GOLGA1: variants seen among roughly 807,000 people sequenced by gnomAD.
GOLGA1 encodes golgin A1.
In GOLGA1, 63 loss-of-function variants were observed where a neutral mutation model predicts 119.7. The ratio of observed to expected loss-of-function variants is 0.53; its 90% CI spans 0.43 to 0.65. The LOEUF (loss-of-function observed/expected upper bound fraction) is 0.65. Among genes scored for constraint, GOLGA1 ranks in the 30% least tolerant of loss-of-function variants. GOLGA1 has a pLI of 0.00. For synonymous variants in GOLGA1, 318 were observed against 333.4 expected (o/e 0.95, Z 0.50); for missense variants, 798 against 912.8 (o/e 0.87, Z 1.62).
rs999066060 is a variant in GOLGA1, at chr9:124,903,957, G to T, written c.1066-3410C>A. Among the ~76,000 whole-genome samples, 5 of 152,082 alleles carry T rather than the reference G, an allele frequency of 3.3e-5. No individual in the cohort carries two copies. In the South Asian group the frequency reaches 1.0e-3, roughly 31 times the overall value. On this transcript the variant is annotated intron_variant, in intron 12 of 22. Coordinates refer to ENST00000373555, the MANE Select transcript of GOLGA1 (RefSeq NM_002077.4). ...GCGCGCCTGTAGTCCCAGCTACTCG[G>T]GAGGCTGAGGTAGGGGAATTGCTTG...
intron 12 of GOLGA1, among the ~76,000 whole-genome samples, chr9:124,903,967 G>C (rs1053290272): frequency 6.6e-6 from 1 of 152,012 alleles, no homozygotes; most frequent in Non-Finnish European, 1.5e-5. Context: ...GGAGGCTGAG[G>C]TAGGGGAATT....
chr9:124,915,407 T>C (rs1435097895), intron 10 of GOLGA1, among the ~76,000 whole-genome samples: 1 of 152,268 alleles, frequency 6.6e-6, no homozygotes, highest in Non-Finnish European at 1.5e-5. Context: ...TGATTATTTA[T>C]GAAATTTCAT....
intron 15 of GOLGA1, among the ~76,000 whole-genome samples, chr9:124,896,560 C>T (rs1252951681): frequency 2.0e-5 from 3 of 152,246 alleles, no homozygotes; most frequent in African/African-American, 7.2e-5. Context: ...CTTGCTTCTG[C>T]TCATGCCTCC....
chr9:124,922,463 A>G (rs1431956820), intron 8 of GOLGA1, among the ~76,000 whole-genome samples: 1 of 150,738 alleles, frequency 6.6e-6, no homozygotes, highest in East Asian at 1.9e-4. Flanking sequence ...AGGTGGAAGA[A>G]TCCCTTGAGT....
intron 15 of GOLGA1, among the ~76,000 whole-genome samples, chr9:124,895,624 G>C (rs112477965): frequency 1.6e-5 from 2 of 126,938 alleles, no homozygotes; most frequent in East Asian, 5.2e-4. Context: ...TCCACGACAG[G>C]GAGCCTCCAC....
At position 124,881,074 on chromosome 9, in the gene GOLGA1, T is replaced by C. The variant is rs1829568146; in HGVS notation, c.2223+97A>G. The C allele has an allele frequency of 5.3e-6, 4 of 759,482 alleles. No individual in the cohort carries two copies. The highest frequency in any genetic ancestry group is 1.9e-5 in the Admixed American group (1 of 53,922). 47.0% of individuals were successfully genotyped at this position (759,482 alleles called of 1,614,324 possible). A position where few individuals can be genotyped will look rare whatever the true frequency, so the allele number is the denominator to read the frequency against. On this transcript the variant is annotated intron_variant, in intron 22 of 22. Transcript: ENST00000373555. This position sits in a 1 kb window ranked among gnomAD's most constrained non-coding sequence, Gnocchi z 4.9. ...CTGATCATGCAGCTGTGCTGGTGCC[T>C]ACACTCGGGTGTGGGTCTAAGGGGT...
At chr9:124,890,809 T>C (rs1829837823) in intron 15 of GOLGA1, among the ~76,000 whole-genome samples, 1 of 152,134 alleles carries the variant, frequency 6.6e-6, no homozygotes, top group Admixed American at 6.5e-5. Context: ...GAAGTCAGAC[T>C]CGCAGGCCAC....
upstream of GOLGA1, chr9:124,945,245 C>A (rs1831127644): frequency 6.6e-6 from 1 of 152,106 alleles, no homozygotes; most frequent in African/African-American, 2.4e-5. Context: ...TTAAAGTAGT[C>A]TGATAACTAT....
At position 124,907,822 on chromosome 9, in the gene GOLGA1, G is replaced by T. The variant is rs11999233; in HGVS notation, c.1065+555C>A. Among the ~76,000 whole-genome samples the T allele has an allele frequency of 9.8e-3, 1,486 of 152,286 alleles. 20 individuals are homozygous for T. Among genetic ancestry groups the T allele is most frequent in the African/African-American group, 0.034 (1,416 of 41,540 alleles). On this transcript the variant is annotated intron_variant, in intron 12 of 22. Transcript: ENST00000373555. ...ATGCCAATGCTGGAAAAGTCAGAAA[G>T]GCATATATAGGAACGCTCATGCATG...
chr9:124,890,311 A>G, intron 16 of GOLGA1, 78 bp downstream of exon 16: 1 of 982,006 alleles, frequency 1.0e-6, no homozygotes, highest in Non-Finnish European at 1.6e-6. Context: ...GCCCTCTCCA[A>G]CAGTCTCACG....
In GOLGA1 at chr9:124,889,484, T is replaced by C. The variant is rs942986084; in HGVS notation, c.1550A>G (p.Lys517Arg). Reference protein sequence around the residue: ...IDEKEQNLREKTEVLLQKEQE... With the variant: ...IDEKEQNLRERTEVLLQKEQE... ...CTCTTTCTGGAGAAGCACTTCGGTT[T>C]TTTCCCGCAGATTCTGTTCCTTCTC... is the stretch of plus-strand genomic sequence containing the variant. Residue 517 changes from lysine (K) to arginine (R), a missense_variant, in exon 17 of 23, where the codon AAA (lysine) becomes AGA (arginine). By Grantham distance (26) the Lys-to-Arg change is conservative. Coordinates refer to ENST00000373555, the MANE Select transcript of GOLGA1 (RefSeq NM_002077.4). The C allele has an allele frequency of 1.9e-6, 3 of 1,613,928 alleles. No homozygotes were observed. Among genetic ancestry groups the C allele is most frequent in the African/African-American group, 2.7e-5 (2 of 74,902 alleles).
At chr9:124,919,843 C>T (rs989485935) in intron 10 of GOLGA1, among the ~76,000 whole-genome samples, 7 of 151,986 alleles carry the variant, frequency 4.6e-5, no homozygotes, top group African/African-American at 1.5e-4. Flanking sequence ...CTAAATGTCG[C>T]GCAATGCAAT....
At chr9:124,944,434 G>C (rs1336524806), upstream of GOLGA1, 2 of 149,496 alleles carry the variant, frequency 1.3e-5, no homozygotes, top group Non-Finnish European at 2.9e-5. Context: ...CAAGTAGCTG[G>C]GATTACAGGC....
intron 11 of GOLGA1, among the ~76,000 whole-genome samples, chr9:124,909,346 G>A (rs1470042286): frequency 1.3e-5 from 2 of 151,018 alleles, no homozygotes; most frequent in African/African-American, 2.4e-5. Context: ...GGTGGTTCAC[G>A]CCTGTAATCC....
Position 124,899,447 on chromosome 9 carries a change from T to A in GOLGA1, c.1193A>T (p.Gln398Leu), listed in dbSNP as rs1830052260. Residue 398 changes from glutamine to leucine, a missense_variant, in exon 14 of 23, where the codon CAG becomes CTG. Coordinates refer to ENST00000373555, the MANE Select transcript of GOLGA1 (RefSeq NM_002077.4). The stretch of plus-strand genomic sequence containing the variant: ...CTGCTCCAGAGCAAGGGCCTGCTGC[T>A]GCACATGGCTGCTCTCCTGGTTGGC... ...AAANQESSHVQQQALALEQQF... is the reference protein window; with the variant it reads ...AAANQESSHVLQQALALEQQF... 1.9e-6 allele frequency: 3 copies of A among 1,547,412 alleles called. No individual in the cohort carries two copies. Among genetic ancestry groups the A allele is most frequent in the Non-Finnish European group, 2.6e-6 (3 of 1,148,726 alleles).
At chr9:124,937,623 T>A in intron 3 of GOLGA1, among the ~76,000 whole-genome samples, 1 of 116,848 alleles carries the variant, frequency 8.6e-6, no homozygotes. Flanking sequence ...AGAGTGAGAC[T>A]CTGTCTCAAA....
At chr9:124,887,451 G>C (rs1438242006) in intron 19 of GOLGA1, 1 of 152,038 alleles carries the variant, frequency 6.6e-6, no homozygotes, top group Non-Finnish European at 1.5e-5. Context: ...ACACACATTT[G>C]TTTTGTACAC....
intron 19 of GOLGA1, 55 bp from the exon 20 acceptor site, chr9:124,882,624 A>T: frequency 7.0e-7 from 1 of 1,419,318 alleles, no homozygotes; most frequent in Non-Finnish European, 9.9e-7. Flanking sequence ...GTTTCACCAA[A>T]GGAAACAGAC....
Position 124,881,525 on chromosome 9 carries a change from C to T in GOLGA1, c.2136+259G>A, listed in dbSNP as rs529053790. ...ATGGGTGGATTCCGTTCCCGGCTTCCGGCCTCTGGCCTCAGCACCCAGGCC... is the reference window on the plus strand; with the variant it reads ...ATGGGTGGATTCCGTTCCCGGCTTCTGGCCTCTGGCCTCAGCACCCAGGCC... On this transcript the variant is annotated intron_variant, in intron 21 of 22. Coordinates refer to ENST00000373555, the MANE Select transcript of GOLGA1 (RefSeq NM_002077.4). The surrounding 1 kb of genome is among the most constrained non-coding windows in gnomAD (Gnocchi z 4.9). 2.1e-4 allele frequency among the ~76,000 whole-genome samples: 32 copies of T among 152,328 alleles called. 1 individual carries two copies. The highest frequency in any genetic ancestry group is 1.5e-3 in the East Asian group (8 of 5,176).
Sources: allele counts gnomAD v4.1 joint callset (sites outside exome capture counted in the v4.1 genomes callset), GRCh38; gene constraint gnomAD v4.1.1; non-coding constraint Gnocchi (gnomAD v3.1); transcripts MANE v1.5; gene names NCBI Gene and HGNC (gene_info 2026-07-23, HGNC 2026-07-21).